Variants in LRRTM4 observed in about 807,000 individuals in gnomAD.
The protein encoded by LRRTM4 is leucine-rich repeat transmembrane neuronal protein 4.
Under a neutral mutation model 47.6 loss-of-function variants are expected in LRRTM4, and 25 were observed. That is an observed-to-expected ratio of 0.53 (90% CI 0.38 to 0.73). LRRTM4 has a LOEUF of 0.73. Among genes scored for constraint, LRRTM4 ranks in the 30% least tolerant of loss-of-function variants. The probability of loss-of-function intolerance (pLI) is 0.00; values close to 1 mark genes in which losing one functional copy is unlikely to be tolerated. For synonymous variants in LRRTM4, 311 were observed against 269.5 expected, an observed-to-expected ratio of 1.15 and a Z score of -1.51; for missense variants, 638 against 713.4, an observed-to-expected ratio of 0.89 and a Z score of 1.20.
At chr2:77,200,064 T>A (rs1673932479) in intron 3 of LRRTM4, among the ~76,000 whole-genome samples, 1 of 152,008 alleles carries the variant, frequency 6.6e-6, no homozygotes, top group Admixed American at 6.6e-5. Context: ...TTTAGAACAT[T>A]TACTATAAAA....
intron 3 of LRRTM4, among the ~76,000 whole-genome samples, chr2:77,351,916 T>C (rs1671796077): frequency 1.3e-5 from 2 of 152,134 alleles, no homozygotes; most frequent in African/African-American, 2.4e-5. Context: ...TGGTTGATAA[T>C]ACTCTGCTTT....
At chr2:76,801,667 A>T (rs977019501) in intron 3 of LRRTM4, among the ~76,000 whole-genome samples, 10 of 151,816 alleles carry the variant, frequency 6.6e-5, no homozygotes, top group Non-Finnish European at 1.0e-4. Flanking sequence ...AGTATAATAA[A>T]AAAAAAAGAA....
chr2:77,024,381 C>A (rs1678377606), intron 3 of LRRTM4, among the ~76,000 whole-genome samples: 1 of 152,002 alleles, frequency 6.6e-6, no homozygotes, highest in Non-Finnish European at 1.5e-5. Context: ...ATAATATCCT[C>A]CAAATTCATC....
chr2:76,828,758 G>A (rs1187409698), intron 3 of LRRTM4, among the ~76,000 whole-genome samples: 6 of 151,834 alleles, frequency 4.0e-5, no homozygotes, highest in African/African-American at 1.2e-4. Flanking sequence ...TTCATCTTCT[G>A]TCTCCCAGCT....
chr2:77,033,611 GCT>G (rs1678736047), intron 3 of LRRTM4, among the ~76,000 whole-genome samples: 1 of 151,778 alleles, frequency 6.6e-6, no homozygotes, highest in Non-Finnish European at 1.5e-5. Context: ...TCTCCTTGGG[GCT>G]CTTAGTTTAG....
chr2:77,072,212 C>G (rs61197052), intron 3 of LRRTM4, among the ~76,000 whole-genome samples: 16,810 of 151,892 alleles, frequency 0.11, 1,158 homozygotes, highest in East Asian at 0.16. Flanking sequence ...CAGTTGGCAC[C>G]ATAAAAATGG....
chr2:77,476,964 A>ATGTG (rs59247356), intron 3 of LRRTM4, among the ~76,000 whole-genome samples: 8,174 of 143,806 alleles, frequency 0.057, 447 homozygotes, highest in East Asian at 0.21. Context: ...TTTGTAAGAG[A>ATGTG]TGTGTGTGTG....
chr2:76,922,536 G>A (rs529859428), intron 3 of LRRTM4, among the ~76,000 whole-genome samples: 5 of 152,040 alleles, frequency 3.3e-5, no homozygotes, highest in Admixed American at 6.6e-5. Context: ...TTGGGTGGGG[G>A]CACAGAGCCA....
chr2:77,082,742 GTC>G (rs1362280821), intron 3 of LRRTM4, among the ~76,000 whole-genome samples: 18 of 152,036 alleles, frequency 1.2e-4, no homozygotes, highest in African/African-American at 3.4e-4. Context: ...GAGAAAAAAA[GTC>G]TATTTTGAAC....
At chr2:76,988,576 C>T (rs943533452) in intron 3 of LRRTM4, among the ~76,000 whole-genome samples, 1 of 151,744 alleles carries the variant, frequency 6.6e-6, no homozygotes, top group African/African-American at 2.4e-5. Context: ...TCGAATTCCT[C>T]AAAAAGAAAC....
rs77678585 is a variant in LRRTM4, at chr2:77,489,773, A to T, written c.1551+28545T>A. On this transcript the variant is annotated intron_variant, in intron 3 of 3. Transcript: ENST00000409884. ...TGCCACAAAGAAAACTGGACAGCAA[A>T]CTCTTCCATTTATGATTCTCAAACA... Among the ~76,000 whole-genome samples, 710 of 152,336 alleles carry T rather than the reference A, an allele frequency of 4.7e-3. 5 individuals are homozygous for T. Among genetic ancestry groups the T allele is most frequent in the African/African-American group, 0.017 (691 of 41,566 alleles).
chr2:77,343,125 GA>G (rs1671435837), intron 3 of LRRTM4, among the ~76,000 whole-genome samples: 1 of 151,894 alleles, frequency 6.6e-6, no homozygotes, highest in African/African-American at 2.4e-5. Context: ...GAGGTAAGTA[GA>G]AACATTTCAA....
chr2:76,812,007 A>C (rs1342762101), intron 3 of LRRTM4, among the ~76,000 whole-genome samples: 1 of 152,208 alleles, frequency 6.6e-6, no homozygotes, highest in African/African-American at 2.4e-5. Context: ...GTTTCCTAAG[A>C]ATTGTATTTC....
At chr2:76,822,530 C>A (rs1196645022) in intron 3 of LRRTM4, among the ~76,000 whole-genome samples, 1 of 151,174 alleles carries the variant, frequency 6.6e-6, no homozygotes, top group Non-Finnish European at 1.5e-5. Context: ...ATGAAGAAAA[C>A]CCTGAACTTT....
chr2:77,276,706 T>C (rs1352700362), intron 3 of LRRTM4, among the ~76,000 whole-genome samples: 2 of 120,728 alleles, frequency 1.7e-5, no homozygotes, highest in Non-Finnish European at 3.3e-5. Flanking sequence ...TATATATATA[T>C]ATATATATAT....
At chr2:77,246,556 C>T (rs555016814) in intron 3 of LRRTM4, among the ~76,000 whole-genome samples, 14 of 152,184 alleles carry the variant, frequency 9.2e-5, no homozygotes, top group African/African-American at 3.4e-4. Flanking sequence ...GGTTTAGAGG[C>T]TACCAAATTG....
chr2:77,192,575 A>G (rs56281566), intron 3 of LRRTM4, among the ~76,000 whole-genome samples: 11 of 152,288 alleles, frequency 7.2e-5, no homozygotes, highest in African/African-American at 2.6e-4. Context: ...TTTTTAAAGT[A>G]ACCACACTAA....
chr2:77,068,962 T>G (rs1286400677), intron 3 of LRRTM4, among the ~76,000 whole-genome samples: 1 of 151,948 alleles, frequency 6.6e-6, no homozygotes, highest in South Asian at 2.1e-4. Context: ...CTTAAGGGCA[T>G]GTTCCTGCTG....
intron 3 of LRRTM4, among the ~76,000 whole-genome samples, chr2:77,353,622 CTACTTATTTTA>C (rs1671864442): frequency 6.6e-6 from 1 of 152,114 alleles, no homozygotes; most frequent in South Asian, 2.1e-4. Context: ...ATATTTTCAT[CTACTTATTTTA>C]TAATCCTTTT....
Sources: allele counts gnomAD v4.1 joint callset (sites outside exome capture counted in the v4.1 genomes callset), GRCh38; gene constraint gnomAD v4.1.1; transcripts MANE v1.5; gene names NCBI Gene and HGNC (gene_info 2026-07-23, HGNC 2026-07-21).